The following RANBP2 variants were observed in gnomAD, a reference collection of about 807,000 sequenced individuals.
RANBP2 encodes RAN binding protein 2.
A neutral mutation model predicts 303.6 loss-of-function variants in RANBP2; 57 were observed. That is an observed-to-expected ratio of 0.19 (90% CI 0.15 to 0.23). The LOEUF is 0.23. Among genes scored for constraint, RANBP2 ranks in the 10% least tolerant of loss-of-function variants. The pLI is 1.00. For missense variants in RANBP2, 3,138 were observed against 3,780.8 expected (o/e 0.83, Z 4.46); for synonymous variants, 1,167 against 1,301.5 (o/e 0.90, Z 2.23).
chr2:108,731,220 G>A (rs1695142090), intron 3 of RANBP2, 102 bp from the exon 4 acceptor site: 3 of 1,497,220 alleles, frequency 2.0e-6, no homozygotes, highest in South Asian at 1.3e-5. Flanking sequence ...ATTTTTTAAG[G>A]GTTGGAGTGA....
the RANBP2 span, among the ~76,000 whole-genome samples, chr2:108,942,305 G>A: frequency 1.3e-5 from 2 of 152,266 alleles, no homozygotes; most frequent in South Asian, 2.1e-4. Flanking sequence ...GCACAATGCC[G>A]GATCTACTCA....
intron 9 of RANBP2, among the ~76,000 whole-genome samples, chr2:108,750,150 A>G (rs1188295474): frequency 6.6e-6 from 1 of 152,262 alleles, no homozygotes; most frequent in Non-Finnish European, 1.5e-5. Context: ...CGTCTCAAAA[A>G]CAAAAAGTGT....
At chr2:109,432,882 G>C in the RANBP2 span, among the ~76,000 whole-genome samples, 1 of 152,378 alleles carries the variant, frequency 6.6e-6, no homozygotes, top group South Asian at 2.1e-4. Flanking sequence ...GTCCTCAGCA[G>C]ACATTGGCCA....
At chr2:108,975,680 G>A in the RANBP2 span, among the ~76,000 whole-genome samples, 1 of 152,172 alleles carries the variant, frequency 6.6e-6, no homozygotes, top group Non-Finnish European at 1.5e-5. Flanking sequence ...TAAGGAGCTT[G>A]CGAAGCCCCT....
At chr2:109,064,381 G>A in the RANBP2 span, among the ~76,000 whole-genome samples, 18 of 149,964 alleles carry the variant, frequency 1.2e-4, no homozygotes, top group Non-Finnish European at 1.8e-4. Context: ...GTATGAACCC[G>A]GGAGGCGGAG....
At chr2:108,804,790 T>C in the RANBP2 span, 1 of 1,156,274 alleles carries the variant, frequency 8.6e-7, no homozygotes, top group Non-Finnish European at 1.1e-6. Flanking sequence ...GTTTTTGTGA[T>C]TGAAGGAGTT....
At chr2:109,062,715 C>T in the RANBP2 span, among the ~76,000 whole-genome samples, 7 of 152,036 alleles carry the variant, frequency 4.6e-5, no homozygotes, top group Non-Finnish European at 7.4e-5. Context: ...TGCCCTCTCT[C>T]GTGAGACAGA....
chr2:109,282,685 T>G, the RANBP2 span, among the ~76,000 whole-genome samples: 1 of 152,222 alleles, frequency 6.6e-6, no homozygotes, highest in African/African-American at 2.4e-5. Context: ...TTAAAGTGGG[T>G]CTGGCTGGTC....
chr2:109,449,612 C>G, the RANBP2 span: 1 of 1,235,470 alleles, frequency 8.1e-7, no homozygotes, highest in Non-Finnish European at 1.1e-6. Context: ...AGTGCCTGCC[C>G]CTAGATGAAC....
the RANBP2 span, among the ~76,000 whole-genome samples, chr2:109,263,128 G>T: frequency 2.6e-5 from 4 of 152,190 alleles, no homozygotes; most frequent in Admixed American, 6.5e-5. Flanking sequence ...TTATAGGCGT[G>T]AGCCACCACG....
At chr2:109,163,179 C>T in the RANBP2 span, among the ~76,000 whole-genome samples, 32 of 152,290 alleles carry the variant, frequency 2.1e-4, no homozygotes, top group South Asian at 3.7e-3. Flanking sequence ...AGCTCACCCC[C>T]GAGGCGGGAA....
intron 6 of RANBP2, among the ~76,000 whole-genome samples, chr2:108,739,353 A>C (rs546075913): frequency 2.0e-5 from 3 of 152,216 alleles, no homozygotes; most frequent in Admixed American, 2.0e-4. Flanking sequence ...CAGTAAGCCA[A>C]GATTGTGCCA....
chr2:109,664,223 T>C, the RANBP2 span, among the ~76,000 whole-genome samples: 4 of 152,248 alleles, frequency 2.6e-5, no homozygotes, highest in Non-Finnish European at 5.9e-5. Flanking sequence ...GCATACGTTA[T>C]AGAAATTCAA....
the RANBP2 span, among the ~76,000 whole-genome samples, chr2:109,012,771 G>A: frequency 9.2e-5 from 14 of 152,236 alleles, no homozygotes; most frequent in East Asian, 5.8e-4. Context: ...AAAATTAGCC[G>A]GGCGTGTTGG....
the RANBP2 span, among the ~76,000 whole-genome samples, chr2:109,042,382 C>T: frequency 2.0e-5 from 3 of 152,018 alleles, no homozygotes; most frequent in African/African-American, 7.3e-5. Flanking sequence ...TATCTTGTTT[C>T]GGATTTGAAT....
chr2:109,353,146 C>T, the RANBP2 span, among the ~76,000 whole-genome samples: 1 of 152,212 alleles, frequency 6.6e-6, no homozygotes, highest in African/African-American at 2.4e-5. Flanking sequence ...GTTGGTGCTG[C>T]CCACAAGGCC....
the RANBP2 span, among the ~76,000 whole-genome samples, chr2:109,695,162 T>C: frequency 6.6e-6 from 1 of 150,796 alleles, no homozygotes; most frequent in South Asian, 2.1e-4. Context: ...CCTCTCTTTC[T>C]TTGCAAAGAA....
the RANBP2 span, among the ~76,000 whole-genome samples, chr2:109,242,723 G>A: frequency 1.2e-4 from 18 of 152,324 alleles, 1 homozygote; most frequent in African/African-American, 4.3e-4. Context: ...TGGGCTCAGA[G>A]GTTTGGAGTC....
chr2:109,068,862 C>T, the RANBP2 span, among the ~76,000 whole-genome samples: 5,639 of 152,268 alleles, frequency 0.037, 354 homozygotes, highest in African/African-American at 0.13. Flanking sequence ...TACTAAATAC[C>T]TTCCAGCTAT....
Sources: gnomAD v4.1 joint callset for allele counts (sites outside exome capture counted in the v4.1 genomes callset) on GRCh38, gnomAD v4.1.1 for gene constraint, MANE v1.5 for transcripts, NCBI Gene and HGNC (gene_info 2026-07-23, HGNC 2026-07-21) for gene names.